The following TRNP1 variants were observed in gnomAD, a reference collection of about 807,000 sequenced individuals.
TRNP1 encodes the protein TMF1 regulated nuclear protein 1, also known as TMF-regulated nuclear protein 1.
TRNP1 carries 16 observed loss-of-function variants against 12.2 expected under a neutral mutation model. The observed-to-expected ratio is 1.31, with a 90% confidence interval of 0.89 to 1.99. The LOEUF (loss-of-function observed/expected upper bound fraction) is 1.99, where lower values mean the gene tolerates loss of function less well. TRNP1 is among the 30% of genes most tolerant of loss of function. TRNP1 has a pLI of 0.00. For missense variants in TRNP1, 338 were observed against 330.4 expected (o/e 1.02, Z -0.18); for synonymous variants, 139 against 166.2 (o/e 0.84, Z 1.26).
At chr1:26,995,831 T>C (rs2082542556) in intron 1 of TRNP1, among the ~76,000 whole-genome samples, 1 of 152,188 alleles carries the variant, frequency 6.6e-6, no homozygotes, top group South Asian at 2.1e-4. Flanking sequence ...GGTTTCTCCA[T>C]GTTGGTCAGG....
rs1421535118 is a variant in TRNP1, at chr1:26,994,905, C to T, written c.*142+293C>T. ...ATGCAGCACCCCCCATCCTCACCCCCACTTGCGTGGCCTTTCCCGGGCCCC... is the reference window on the plus strand; with the variant it reads ...ATGCAGCACCCCCCATCCTCACCCCTACTTGCGTGGCCTTTCCCGGGCCCC... On this transcript the variant is annotated intron_variant, in intron 1 of 1. Transcript: ENST00000522111. The surrounding 1 kb of genome is among the most constrained non-coding windows in gnomAD (Gnocchi z 6.9). 1.3e-5 allele frequency among the ~76,000 whole-genome samples: 2 copies of T among 152,218 alleles called. No homozygotes were observed. Among genetic ancestry groups the T allele is most frequent in the Non-Finnish European group, 2.9e-5 (2 of 68,042 alleles).
rs2082567222 is a variant in TRNP1 at position 27,000,500 on chromosome 1, A to G, written c.*796A>G. 6.6e-6 allele frequency: 1 copy of G among 152,642 alleles called. No homozygotes were observed. Among genetic ancestry groups the G allele is most frequent in the African/African-American group, 2.4e-5 (1 of 41,450 alleles). 9.5% of individuals were successfully genotyped at this position (152,642 alleles called of 1,614,324 possible). ...ACATCTAAGCAAAGTTTTAAATGAA[A>G]AAAAGGAAACACATTTAAACATCCT... is the stretch of plus-strand genomic sequence containing the variant. On this transcript the variant is annotated 3_prime_UTR_variant, in exon 2 of 2. Coordinates refer to ENST00000522111, the MANE Select transcript of TRNP1 (RefSeq NM_001013642.3).
intron 1 of TRNP1, among the ~76,000 whole-genome samples, chr1:26,997,349 G>A (rs112894585): frequency 0.015 from 2,122 of 141,064 alleles, 26 homozygotes; most frequent in Non-Finnish European, 0.023. Flanking sequence ...AAGCTCACCC[G>A]TCTGCCTCCA....
intron 1 of TRNP1, among the ~76,000 whole-genome samples, chr1:26,998,188 C>T (rs945450355): frequency 4.0e-5 from 6 of 151,260 alleles, no homozygotes; most frequent in African/African-American, 1.5e-4. Flanking sequence ...TCGAGACCAT[C>T]GTGACTAACA....
Position 26,993,799 on chromosome 1 carries a change from C to G in TRNP1, c.13C>G (p.Arg5Gly). 2 of 1,321,172 alleles carry G rather than the reference C, an allele frequency of 1.5e-6. No individual in the cohort carries two copies. Among genetic ancestry groups the G allele is most frequent in the Non-Finnish European group, 1.9e-6 (2 of 1,038,060 alleles). The allele number at this position is 1,321,172 out of a possible 1,614,324, so 81.8% of individuals were successfully genotyped here. A position where few individuals can be genotyped will look rare whatever the true frequency, so the allele number is the denominator to read the frequency against. The change falls in exon 1 of 2, where the codon CGC (arginine) becomes GGC (glycine). Residue 5 changes from arginine (R) to glycine (G), a missense_variant. Physicochemically the swap from Arg to Gly is moderately radical, Grantham distance 125. Coordinates refer to ENST00000522111, the MANE Select transcript of TRNP1 (RefSeq NM_001013642.3). MPGC[R>G]ISACGPGAQE... is the part of the protein sequence containing the mutation. ...TGGGGGGCGGGGGATGCCGGGCTGC[C>G]GCATCAGCGCCTGCGGCCCGGGGGC...
Position 26,993,893 on chromosome 1 carries a change from C to A in TRNP1, c.107C>A (p.Pro36Gln). ...PWDPMPSSQP[P>Q]PPTPTLTPTP... ...GATCCCATGCCGTCCTCTCAGCCCC[C>A]GCCCCCAACTCCGACCTTGACTCCT... Residue 36 changes from proline (P) to glutamine (Q), a missense_variant, in exon 1 of 2, where the codon CCG (proline) becomes CAG (glutamine). Coordinates refer to ENST00000522111, the MANE Select transcript of TRNP1 (RefSeq NM_001013642.3). The A allele has an allele frequency of 7.3e-7, 1 of 1,374,432 alleles. No homozygotes were observed. Among genetic ancestry groups the A allele is most frequent in the Non-Finnish European group, 9.3e-7 (1 of 1,070,570 alleles). The allele number at this position is 1,374,432 out of a possible 1,614,324, so 85.1% of individuals were successfully genotyped here.
At chr1:26,995,702 C>A (rs955912324) in intron 1 of TRNP1, among the ~76,000 whole-genome samples, 25 of 152,232 alleles carry the variant, frequency 1.6e-4, no homozygotes, top group Non-Finnish European at 2.9e-4. Context: ...GCGATCTTGG[C>A]TCACTGCAAC....
In TRNP1 at chr1:26,993,974, G is replaced by T. The variant is rs993639407; in HGVS notation, c.188G>T (p.Gly63Val). ...CCGGACGCAGCTGGGGCTTCAGCAG[G>T]CGCGGCCGAGGACCAGGAGCTGCAG... ...PLPDAAGASA[G>V]AAEDQELQRW... Residue 63 changes from glycine to valine, a missense_variant, in exon 1 of 2, where the codon GGC becomes GTC. Transcript: ENST00000522111. 28 of 1,319,840 alleles carry T rather than the reference G, an allele frequency of 2.1e-5. No individual in the cohort carries two copies. The African/African-American group carries it at 4.3e-4, about 20-fold the overall frequency. 81.8% of individuals were successfully genotyped at this position (1,319,840 alleles called of 1,614,324 possible). A position where few individuals can be genotyped will look rare whatever the true frequency, so the allele number is the denominator to read the frequency against.
chr1:26,999,332 C>T (rs1037901034), intron 1 of TRNP1, among the ~76,000 whole-genome samples: 16 of 152,108 alleles, frequency 1.1e-4, no homozygotes, highest in East Asian at 1.9e-4. Flanking sequence ...TGCGGTGAGC[C>T]GAAATCGCGC....
At chr1:26,997,560 C>G (rs1045399944) in intron 1 of TRNP1, among the ~76,000 whole-genome samples, 6 of 152,114 alleles carry the variant, frequency 3.9e-5, no homozygotes, top group African/African-American at 1.4e-4. Flanking sequence ...CTGACCCACC[C>G]CTTTTCCCCA....
chr1:26,999,212 C>A (rs1178700695), intron 1 of TRNP1, among the ~76,000 whole-genome samples: 1 of 152,048 alleles, frequency 6.6e-6, no homozygotes, highest in Non-Finnish European at 1.5e-5. Flanking sequence ...GGTGAAATCC[C>A]ATCTCTACTA....
At position 26,993,950 on chromosome 1, in the gene TRNP1, C is replaced by G. The variant is rs1295845905; in HGVS notation, c.164C>G (p.Pro55Arg). Residue 55 changes from proline (P) to arginine (R), a missense_variant, in exon 1 of 2, where the codon CCG becomes CGG. By Grantham distance (103) the Pro-to-Arg change is moderately radical. Transcript: ENST00000522111. Reference protein sequence around the residue: ...TPTPGQSPPLPDAAGASAGAA... With the variant: ...TPTPGQSPPLRDAAGASAGAA... ...ACCCCGGGTCAGTCCCCGCCGCTGC[C>G]GGACGCAGCTGGGGCTTCAGCAGGC... The G allele has an allele frequency of 2.2e-6, 3 of 1,341,572 alleles. No individual in the cohort carries two copies. The highest frequency in any genetic ancestry group is 4.0e-5 in the Admixed American group (1 of 25,300). 83.1% of individuals were successfully genotyped at this position (1,341,572 alleles called of 1,614,324 possible).
chr1:26,999,737 C>T (rs1287826458), intron 1 of TRNP1, 110 bp from the exon 2 acceptor site: 1 of 152,298 alleles, frequency 6.6e-6, no homozygotes. Context: ...TGCATCTTCT[C>T]TCCACAATGC....
In TRNP1 at chr1:27,000,470, G is replaced by A. The variant is rs2082567083; in HGVS notation, c.*766G>A. 2 of 152,542 alleles carry A rather than the reference G, an allele frequency of 1.3e-5. No individual in the cohort carries two copies. Among genetic ancestry groups the A allele is most frequent in the Admixed American group, 1.3e-4 (2 of 15,258 alleles). 9.4% of individuals were successfully genotyped at this position (152,542 alleles called of 1,614,324 possible). A position where few individuals can be genotyped will look rare whatever the true frequency, so the allele number is the denominator to read the frequency against. ...TTTCTCAGGAAGAGGTGATGGCAATGTAAAACATCTAAGCAAAGTTTTAAA... is the reference window on the plus strand; with the variant it reads ...TTTCTCAGGAAGAGGTGATGGCAATATAAAACATCTAAGCAAAGTTTTAAA... On this transcript the variant is annotated 3_prime_UTR_variant, in exon 2 of 2. Coordinates refer to ENST00000522111, the MANE Select transcript of TRNP1 (RefSeq NM_001013642.3).
At position 26,994,472 on chromosome 1, in the gene TRNP1, C is replaced by T; in HGVS notation, c.*2C>T. The T allele has an allele frequency of 3.4e-6, 4 of 1,178,326 alleles. No individual in the cohort carries two copies. Among genetic ancestry groups the T allele is most frequent in the South Asian group, 4.2e-5 (1 of 23,846 alleles). 73.0% of individuals were successfully genotyped at this position (1,178,326 alleles called of 1,614,324 possible). On this transcript the variant is annotated 3_prime_UTR_variant, in exon 1 of 2. Transcript: ENST00000522111. The surrounding 1 kb of genome is among the most constrained non-coding windows in gnomAD (Gnocchi z 6.9). The stretch of plus-strand genomic sequence containing the variant: ...GGCCCCGCCTCCCCGCAGCGCTGAC[C>T]TCCACGCCCGGACCCCTGGCCACCC...
In TRNP1 at chr1:26,994,952, C is replaced by A. The variant is rs974342273; in HGVS notation, c.*142+340C>A. ...CCCCTCGGAGCTGTGAGCAGTCTTG[C>A]CCTTGAGGATGCTGCTTCCTGGCGC... On this transcript the variant is annotated intron_variant, in intron 1 of 1. Transcript: ENST00000522111. This position sits in a 1 kb window ranked among gnomAD's most constrained non-coding sequence, Gnocchi z 6.9. Among the ~76,000 whole-genome samples the A allele has an allele frequency of 1.3e-5, 2 of 152,176 alleles. No homozygotes were observed. The highest frequency in any genetic ancestry group is 2.9e-5 in the Non-Finnish European group (2 of 68,030).
chr1:26,999,517 G>A (rs1023720296), intron 1 of TRNP1, among the ~76,000 whole-genome samples: 6 of 152,316 alleles, frequency 3.9e-5, no homozygotes, highest in South Asian at 4.1e-4. Context: ...CCCAGGCAGC[G>A]TGGGCCTCTG....
At position 26,994,798 on chromosome 1, in the gene TRNP1, A is replaced by G. The variant is rs1433052753; in HGVS notation, c.*142+186A>G. Among the ~76,000 whole-genome samples, 1 of 152,124 alleles carries G rather than the reference A, an allele frequency of 6.6e-6. No individual in the cohort carries two copies. The highest frequency in any genetic ancestry group is 1.5e-5 in the Non-Finnish European group (1 of 68,018). On this transcript the variant is annotated intron_variant, in intron 1 of 1. Transcript: ENST00000522111. This position sits in a 1 kb window ranked among gnomAD's most constrained non-coding sequence, Gnocchi z 6.9. ...GAGGTGGTAGCATCAAGTCTCCATT[A>G]TAAGAGTTGGACTCTTGAGGGGGCT... is the stretch of plus-strand genomic sequence containing the variant.
chr1:26,995,667 G>T (rs1246015503), intron 1 of TRNP1, among the ~76,000 whole-genome samples: 1 of 152,352 alleles, frequency 6.6e-6, no homozygotes, highest in South Asian at 2.1e-4. Flanking sequence ...TTTCGCTCTT[G>T]TTGCCCAGGC....
Sources: allele counts gnomAD v4.1 joint callset (sites outside exome capture counted in the v4.1 genomes callset), GRCh38; gene constraint gnomAD v4.1.1; non-coding constraint Gnocchi (gnomAD v3.1); transcripts MANE v1.5; gene names NCBI Gene and HGNC (gene_info 2026-07-23, HGNC 2026-07-21).